TSPOAP1: variants seen among roughly 807,000 people sequenced by gnomAD.
TSPOAP1 encodes TSPO associated protein 1, also known as peripheral-type benzodiazepine receptor-associated protein 1.
A neutral mutation model predicts 197.0 loss-of-function variants in TSPOAP1; 87 were observed. The observed-to-expected ratio is 0.44, with a 90% CI of 0.37 to 0.53. The LOEUF (loss-of-function observed/expected upper bound fraction) is 0.53. Ranked by LOEUF, TSPOAP1 falls within the 20% of genes least tolerant of loss-of-function variation. The pLI, the probability that TSPOAP1 is intolerant of heterozygous loss-of-function variation, is 0.00. For synonymous variants in TSPOAP1, 913 were observed against 998.9 expected (o/e 0.91, Z 1.62); for missense variants, 2,174 against 2,411.3 (o/e 0.90, Z 2.06).
chr17:58,319,285 G>A lies in TSPOAP1; in HGVS notation c.1504C>T (p.Arg502Ter). The A allele has an allele frequency of 1.9e-6, 3 of 1,577,948 alleles. No individual in the cohort carries two copies. The highest frequency in any genetic ancestry group is 2.6e-6 in the Non-Finnish European group (3 of 1,161,896). Reference protein sequence around the residue: ...STLDSMQARVRELEEQCRSQT... With the variant: ...STLDSMQARV ...CTGCGGCACTGTTCTTCGAGCTCTCGAACCCGGGCCTGGGCCAAGACCCAC... is the reference window on the plus strand; with the variant it reads ...CTGCGGCACTGTTCTTCGAGCTCTCAAACCCGGGCCTGGGCCAAGACCCAC... Residue 502 changes from arginine to a stop codon, truncating the protein, a stop_gained, in exon 13 of 32, where the codon CGA becomes TGA. Transcript: ENST00000343736. LOFTEE classifies it high-confidence loss of function.
chr17:58,316,243 G>T (rs1971230137), intron 15 of TSPOAP1, 111 bp from the exon 16 acceptor site: 14 of 1,129,584 alleles, frequency 1.2e-5, no homozygotes, highest in Middle Eastern at 2.7e-4. Flanking sequence ...GGTTGTGGTT[G>T]TCCACCACCA....
At chr17:58,321,291 T>A (rs1471940215) in intron 10 of TSPOAP1, among the ~76,000 whole-genome samples, 2 of 147,258 alleles carry the variant, frequency 1.4e-5, no homozygotes, top group Non-Finnish European at 3.0e-5. Context: ...ACGGGGATCC[T>A]TGTCAATTCT....
Position 58,324,740 on chromosome 17 carries a change from G to A in TSPOAP1, c.942+71C>T, listed in dbSNP as rs1971520226. ...CTTGGGGTTCTGAGCACGGTGCAGG[G>A]GAGATCCCGGTGGTCGTTCCCCCCA... On this transcript the variant is annotated intron_variant, in intron 5 of 31. Coordinates refer to ENST00000343736, the MANE Select transcript of TSPOAP1 (RefSeq NM_004758.4). The surrounding 1 kb of genome is among the most constrained non-coding windows in gnomAD (Gnocchi z 5.8). 40 of 1,310,332 alleles carry A rather than the reference G, an allele frequency of 3.1e-5. No individual in the cohort carries two copies. Among genetic ancestry groups the A allele is most frequent in the Non-Finnish European group, 4.0e-5 (40 of 990,100 alleles). The allele number at this position is 1,310,332 out of a possible 1,614,324, so 81.2% of individuals were successfully genotyped here.
rs1318053735 is a variant in TSPOAP1 at position 58,306,404 on chromosome 17, G to A, written c.5162C>T (p.Pro1721Leu). 3.7e-5 allele frequency: 58 copies of A among 1,555,060 alleles called. No homozygotes were observed. The highest frequency in any genetic ancestry group is 1.7e-4 in the Middle Eastern group (1 of 6,018). ...TGTGTGGGCTGTGGAGTACACAAAC[G>A]GACCATTCCCTGATCCAGAAAAGCA... ...DILLEGSGNG[P>L]FVYSTAHTTG... is the part of the protein sequence containing the mutation. The change falls in exon 26 of 32, where the codon CCG becomes CTG. Residue 1721 changes from proline to leucine, a missense_variant. Coordinates refer to ENST00000343736, the MANE Select transcript of TSPOAP1 (RefSeq NM_004758.4).
In TSPOAP1 at chr17:58,304,151, CA is replaced by C. The variant is rs2144020077; in HGVS notation, c.*32+186del. On this transcript the variant is annotated intron_variant, in intron 31 of 31. Transcript: ENST00000343736. The surrounding 1 kb of genome is among the most constrained non-coding windows in gnomAD (Gnocchi z 4.2). ...GGCACTGCCCTGGGTAAAGGCAAGG[CA>C]AGGGGAGCAGGGAGGGGGAGGGATG... The C allele has an allele frequency of 1.7e-6, 1 of 576,004 alleles. No homozygotes were observed. Among genetic ancestry groups the C allele is most frequent in the East Asian group, 2.9e-5 (1 of 35,042 alleles). The allele number at this position is 576,004 out of a possible 1,614,324, so 35.7% of individuals were successfully genotyped here.
chr17:58,327,844 C>G lies in TSPOAP1; in HGVS notation c.77G>C (p.Ser26Thr). The change falls in exon 1 of 32, where the codon AGC becomes ACC. Residue 26 changes from serine (S) to threonine (T), a missense_variant. By Grantham distance (58) the Ser-to-Thr change is moderately conservative. Around this residue, in one of 5 missense-constraint regions of TSPOAP1, gnomAD observed 1,933 missense variants for 2,139.0 expected, o/e 0.90. Transcript: ENST00000343736. The part of the protein sequence containing the change: ...MEPWALPTWH[S>T]WTPGRGGEPS... Reference sequence around the variant, plus strand: ...TTCACCCCCTCGACCTGGAGTCCAGCTATGCCAGGTGGGCAGTGCCCATGG... The same window carrying G: ...TTCACCCCCTCGACCTGGAGTCCAGGTATGCCAGGTGGGCAGTGCCCATGG... 1 of 1,613,850 alleles carries G rather than the reference C, an allele frequency of 6.2e-7. No individual in the cohort carries two copies. Among genetic ancestry groups the G allele is most frequent in the Non-Finnish European group, 8.5e-7 (1 of 1,179,952 alleles).
chr17:58,314,274 T>C (rs1971152226), intron 16 of TSPOAP1, among the ~76,000 whole-genome samples: 1 of 152,166 alleles, frequency 6.6e-6, no homozygotes, highest in South Asian at 2.1e-4. Context: ...TAATAAGCAC[T>C]GTAGAGGGTT....
intron 20 of TSPOAP1, 25 bp from the exon 21 acceptor site, chr17:58,310,183 A>T (rs1394393736): frequency 1.9e-6 from 3 of 1,604,832 alleles, no homozygotes; most frequent in Non-Finnish European, 2.5e-6. Context: ...GCAAGGCAGG[A>T]GAGATAAGGA....
chr17:58,308,928 C>T lies in TSPOAP1; in HGVS notation c.4344G>A (p.Glu1448=), dbSNP rs145131712. Residue 1448 remains glutamate (E), a synonymous_variant, in exon 22 of 32, where the codon GAG becomes GAA. Transcript: ENST00000343736. ...QASGRLGPTR[E]RGGLPVIEGP... ...CCTCAATTACGGGGAGGCCACCCCTCTCCCGTGTGGGGCCCAGTCGTCCAG... is the reference window on the plus strand; with the variant it reads ...CCTCAATTACGGGGAGGCCACCCCTTTCCCGTGTGGGGCCCAGTCGTCCAG... 0.015 allele frequency: 24,081 copies of T among 1,599,584 alleles called. 231 individuals are homozygous for T. The highest frequency in any genetic ancestry group is 0.019 in the South Asian group (1,675 of 89,560).
rs1971618877 is a variant in TSPOAP1 at position 58,326,579 on chromosome 17, T to C, written c.441+104A>G. 2 of 1,529,370 alleles carry C rather than the reference T, an allele frequency of 1.3e-6. No homozygotes were observed. The highest frequency in any genetic ancestry group is 2.4e-5 in the South Asian group (2 of 85,076). 94.7% of individuals were successfully genotyped at this position (1,529,370 alleles called of 1,614,324 possible). ...CTCTGGGTCTCAGGATTTTGTCACC[T>C]CCATTGAGCCCCCACTTGGAAAGAT... On this transcript the variant is annotated intron_variant, in intron 2 of 31. Transcript: ENST00000343736. The surrounding 1 kb of genome is among the most constrained non-coding windows in gnomAD (Gnocchi z 4.7).
In TSPOAP1 at chr17:58,323,338, T is replaced by G. The variant is rs927020292; in HGVS notation, c.1064A>C (p.Glu355Ala). ...CCTCTGCTTTTTCCGGGCTTCCTGC[T>G]CCAGGCTCTCGCATTTCTTCCGCTT... ...SKKRKKCESL[E>A]QEARKKQRRC... The change falls in exon 7 of 32, where the codon GAG becomes GCG. Residue 355 changes from glutamate (E) to alanine (A), a missense_variant. Glu to Ala is a moderately radical substitution (Grantham distance 107). Coordinates refer to ENST00000343736, the MANE Select transcript of TSPOAP1 (RefSeq NM_004758.4). 1 of 1,614,212 alleles carries G rather than the reference T, an allele frequency of 6.2e-7. No homozygotes were observed. Among genetic ancestry groups the G allele is most frequent in the African/African-American group, 1.3e-5 (1 of 75,062 alleles).
chr17:58,312,344 C>T lies in TSPOAP1; in HGVS notation c.2477G>A (p.Cys826Tyr). Residue 826 changes from cysteine (C) to tyrosine (Y), a missense_variant, in exon 17 of 32, where the codon TGT (cysteine) becomes TAT (tyrosine). Transcript: ENST00000343736. ...GGCCTGTCGCAGCTCCCCATTCACACAGATATGGAAGCCGTGTAGCTCCAC... is the reference window on the plus strand; with the variant it reads ...GGCCTGTCGCAGCTCCCCATTCACATAGATATGGAAGCCGTGTAGCTCCAC... ...EQVELHGFHI[C>Y]VNGELRQALG... The T allele has an allele frequency of 6.2e-7, 1 of 1,612,458 alleles. No individual in the cohort carries two copies. The highest frequency in any genetic ancestry group is 8.5e-7 in the Non-Finnish European group (1 of 1,179,542).
chr17:58,311,884 C>T lies in TSPOAP1; in HGVS notation c.2929+8G>A, dbSNP rs1223508869. 5.9e-6 allele frequency: 9 copies of T among 1,532,530 alleles called. 1 individual carries two copies. In the South Asian group the frequency reaches 1.0e-4, roughly 17 times the overall value. The allele number at this position is 1,532,530 out of a possible 1,614,324, so 94.9% of individuals were successfully genotyped here. On this transcript the variant is annotated splice_region_variant and intron_variant, in intron 17 of 31. Coordinates refer to ENST00000343736, the MANE Select transcript of TSPOAP1 (RefSeq NM_004758.4). ...GTGTTCTGGACAACAGGGCCCAAGC[C>T]CACATACCTGCTGGGAGTGTGGTGA...
intron 11 of TSPOAP1, 112 bp from the exon 12 acceptor site, chr17:58,320,241 C>G (rs956787851): frequency 1.9e-5 from 25 of 1,291,358 alleles, no homozygotes; most frequent in Non-Finnish European, 2.7e-5. Context: ...CAGTCAGCTC[C>G]CTGGACTGAC....
rs2240261 is a variant in TSPOAP1, at chr17:58,304,028, T to C, written c.*32+310A>G. The C allele has an allele frequency of 0.22, 67,951 of 306,194 alleles. 8,263 individuals carry two copies. Among genetic ancestry groups the C allele is most frequent in the African/African-American group, 0.31 (14,638 of 46,920 alleles). 19.0% of individuals were successfully genotyped at this position (306,194 alleles called of 1,614,324 possible). Reference sequence around the variant, plus strand: ...CCACTGATGAGTCCTAATATGGATGTCACGTCATGTTCTATAAACCACATG... The same window carrying C: ...CCACTGATGAGTCCTAATATGGATGCCACGTCATGTTCTATAAACCACATG... On this transcript the variant is annotated intron_variant, in intron 31 of 31. Coordinates refer to ENST00000343736, the MANE Select transcript of TSPOAP1 (RefSeq NM_004758.4). The surrounding 1 kb of genome is among the most constrained non-coding windows in gnomAD (Gnocchi z 4.2).
At position 58,323,516 on chromosome 17, in the gene TSPOAP1, T is replaced by A. The variant is rs537562855; in HGVS notation, c.972A>T (p.Leu324=). The change falls in exon 6 of 32, where the codon CTA becomes CTT. Residue 324 remains leucine, a synonymous_variant. Transcript: ENST00000343736. ...TCTCTGGCTCCCCTAGAATCACGGGTAGGTTGTCCGCATCCTCCTGGGGCG... is the reference window on the plus strand; with the variant it reads ...TCTCTGGCTCCCCTAGAATCACGGGAAGGTTGTCCGCATCCTCCTGGGGCG... ...EATPQEDADN[L]PVILGEPEKE... 6.2e-6 allele frequency: 10 copies of A among 1,613,950 alleles called. No individual in the cohort carries two copies. The highest frequency in any genetic ancestry group is 8.5e-6 in the Non-Finnish European group (10 of 1,179,984).
intron 22 of TSPOAP1, 78 bp downstream of exon 22, chr17:58,308,463 G>A: frequency 6.7e-7 from 1 of 1,482,936 alleles, no homozygotes; most frequent in Non-Finnish European, 8.9e-7. Context: ...CGTGGAATGG[G>A]AGCTGCTGGT....
At chr17:58,318,739 T>A (rs921394279) in intron 13 of TSPOAP1, among the ~76,000 whole-genome samples, 1 of 152,108 alleles carries the variant, frequency 6.6e-6, no homozygotes, top group African/African-American at 2.4e-5. Flanking sequence ...TCACAGTGAC[T>A]GTCAAGTGAG....
At position 58,302,091 on chromosome 17, in the gene TSPOAP1, C is replaced by T. The variant is rs1288094071; in HGVS notation, c.*389G>A. The T allele has an allele frequency of 4.3e-6, 2 of 465,180 alleles. No homozygotes were observed. Among genetic ancestry groups the T allele is most frequent in the Non-Finnish European group, 7.0e-6 (2 of 285,172 alleles). The allele number at this position is 465,180 out of a possible 1,614,324, so 28.8% of individuals were successfully genotyped here. A position where few individuals can be genotyped will look rare whatever the true frequency, so the allele number is the denominator to read the frequency against. ...GAAGGTGCTTCTCTAGAGAGTTCAT[C>T]CTTAAGGAGCCATTTAGCTCTGACC... On this transcript the variant is annotated 3_prime_UTR_variant, in exon 32 of 32. Transcript: ENST00000343736.
Sources: gnomAD v4.1 joint callset for allele counts (sites outside exome capture counted in the v4.1 genomes callset) on GRCh38, gnomAD v4.1.1 for gene constraint, gnomAD v4.1.1 regional missense constraint, Gnocchi (gnomAD v3.1) non-coding constraint, MANE v1.5 for transcripts, NCBI Gene and HGNC (gene_info 2026-07-23, HGNC 2026-07-21) for gene names.